The following SGCD variants were observed in gnomAD, a reference collection of about 807,000 sequenced individuals.
The protein encoded by SGCD is delta-sarcoglycan.
Under a neutral mutation model 36.6 loss-of-function variants are expected in SGCD, and 18 were observed. The ratio of observed to expected loss-of-function variants is 0.49; its 90% CI spans 0.34 to 0.73. SGCD has a LOEUF of 0.73. Ranked by LOEUF, SGCD falls within the 30% of genes least tolerant of loss-of-function variation. The pLI, the probability that SGCD is intolerant of heterozygous loss-of-function variation, is 0.01. For synonymous variants in SGCD, 133 were observed against 130.6 expected (o/e 1.02, Z -0.12); for missense variants, 387 against 346.7 (o/e 1.12, Z -0.92).
intron 1 of SGCD, among the ~76,000 whole-genome samples, chr5:155,967,717 A>C (rs1023679207): frequency 6.6e-6 from 1 of 152,116 alleles, no homozygotes; most frequent in Admixed American, 6.6e-5. Context: ...GAAAACGTTC[A>C]GTAATGACTT....
chr5:156,106,109 C>CAAAAAAA (rs1159337817), intron 1 of SGCD, among the ~76,000 whole-genome samples: 41 of 34,924 alleles, frequency 1.2e-3, no homozygotes, highest in Non-Finnish European at 1.5e-3. Flanking sequence ...GACTCTGCCT[C>CAAAAAAA]AAAAAAAAAA....
At chr5:156,631,028 G>A (rs934773670) in intron 6 of SGCD, among the ~76,000 whole-genome samples, 10 of 152,084 alleles carry the variant, frequency 6.6e-5, no homozygotes. Context: ...GCCAAGGAAG[G>A]GCAATATGGT....
intron 1 of SGCD, among the ~76,000 whole-genome samples, chr5:156,072,011 T>A (rs986547071): frequency 1.5e-4 from 23 of 152,142 alleles, no homozygotes; most frequent in Non-Finnish European, 2.1e-4. Flanking sequence ...TTTTATTTTG[T>A]GCCTATGTGC....
chr5:156,483,614 A>G (rs1376136373), intron 3 of SGCD, among the ~76,000 whole-genome samples: 1 of 152,208 alleles, frequency 6.6e-6, no homozygotes, highest in African/African-American at 2.4e-5. Flanking sequence ...CATTCGGATT[A>G]TTTCTTTTCT....
At chr5:155,901,465 G>T (rs771220745) in intron 1 of SGCD, among the ~76,000 whole-genome samples, 30 of 152,070 alleles carry the variant, frequency 2.0e-4, no homozygotes, top group Non-Finnish European at 4.3e-4. Flanking sequence ...TAAGATGAGG[G>T]CCCCTCTGGA....
At chr5:155,838,775 CAA>C in the SGCD span, among the ~76,000 whole-genome samples, 17,454 of 118,314 alleles carry the variant, frequency 0.15, 932 homozygotes, top group South Asian at 0.22. Context: ...AAGAGATTTG[CAA>C]AAAAAAAAAA....
the SGCD span, among the ~76,000 whole-genome samples, chr5:155,781,777 C>T: frequency 6.8e-4 from 103 of 152,092 alleles, no homozygotes; most frequent in African/African-American, 2.2e-3. Flanking sequence ...GGCCCATTTT[C>T]AATTATTCTT....
chr5:156,078,510 C>CAAAAA (rs60477201), intron 1 of SGCD, among the ~76,000 whole-genome samples: 9 of 100,708 alleles, frequency 8.9e-5, no homozygotes, highest in African/African-American at 3.5e-4. Context: ...AAGACTGTCT[C>CAAAAA]AAAAAAAAAA....
chr5:156,563,101 T>C (rs1438092982), intron 4 of SGCD, among the ~76,000 whole-genome samples: 1 of 152,060 alleles, frequency 6.6e-6, no homozygotes, highest in Non-Finnish European at 1.5e-5. Context: ...TCCCTCAGCC[T>C]CCCCATTAGC....
the SGCD span, among the ~76,000 whole-genome samples, chr5:155,764,354 G>A: frequency 3.9e-5 from 6 of 152,260 alleles, no homozygotes; most frequent in African/African-American, 1.2e-4. Context: ...CTTTTGACAA[G>A]CATTTATTAT....
chr5:156,268,125 AT>A (rs1411904671), intron 3 of SGCD, among the ~76,000 whole-genome samples: 1 of 152,172 alleles, frequency 6.6e-6, no homozygotes, highest in African/African-American at 2.4e-5. Context: ...GCTAAGGATA[AT>A]GGCCTCAGCT....
intron 1 of SGCD, among the ~76,000 whole-genome samples, chr5:155,989,473 A>C (rs1171764209): frequency 2.0e-5 from 3 of 152,092 alleles, no homozygotes; most frequent in African/African-American, 7.2e-5. Flanking sequence ...CACAGTTCTA[A>C]ATTAGATGTC....
chr5:155,804,871 A>G, the SGCD span, among the ~76,000 whole-genome samples: 1 of 152,204 alleles, frequency 6.6e-6, no homozygotes, highest in African/African-American at 2.4e-5. Flanking sequence ...TATGTACCAG[A>G]CATGTGTAGG....
chr5:156,567,287 G>T (rs1454101464), intron 4 of SGCD, among the ~76,000 whole-genome samples: 1 of 150,522 alleles, frequency 6.6e-6, no homozygotes, highest in East Asian at 2.0e-4. Context: ...TGTGGAGGGG[G>T]TGAATGGATG....
At chr5:156,507,163 A>G (rs867590514) in intron 3 of SGCD, among the ~76,000 whole-genome samples, 5 of 152,230 alleles carry the variant, frequency 3.3e-5, no homozygotes, top group Admixed American at 1.3e-4. Context: ...TAGAATTACA[A>G]TTACTGATCA....
At chr5:155,982,680 G>A (rs1347679732) in intron 1 of SGCD, among the ~76,000 whole-genome samples, 1 of 152,158 alleles carries the variant, frequency 6.6e-6, no homozygotes, top group Admixed American at 6.5e-5. Flanking sequence ...GCAGTAGAGT[G>A]AATTTAGAGA....
intron 6 of SGCD, among the ~76,000 whole-genome samples, chr5:156,639,003 C>G (rs1762931016): frequency 6.6e-6 from 1 of 151,786 alleles, no homozygotes; most frequent in Admixed American, 6.6e-5. Flanking sequence ...ATCTTTCTGG[C>G]TTTACTGTCT....
At chr5:155,960,957 G>A (rs1757779799) in intron 1 of SGCD, among the ~76,000 whole-genome samples, 1 of 152,046 alleles carries the variant, frequency 6.6e-6, no homozygotes, top group Non-Finnish European at 1.5e-5. Flanking sequence ...CAAGCATTTT[G>A]ATCATGCGAT....
At chr5:155,959,571 T>C (rs1019461681) in intron 1 of SGCD, among the ~76,000 whole-genome samples, 1 of 152,152 alleles carries the variant, frequency 6.6e-6, no homozygotes, top group Non-Finnish European at 1.5e-5. Context: ...CTTTTGTTTT[T>C]TTGAGAGAAT....
Sources: gnomAD v4.1 joint callset for allele counts (sites outside exome capture counted in the v4.1 genomes callset) on GRCh38, gnomAD v4.1.1 for gene constraint, MANE v1.5 for transcripts, NCBI Gene and HGNC (gene_info 2026-07-23, HGNC 2026-07-21) for gene names.